The following SYT6 variants were observed in gnomAD, a reference collection of about 807,000 sequenced individuals.
SYT6 encodes the protein synaptotagmin 6, also known as synaptotagmin-6.
In SYT6, 24 loss-of-function variants were observed where a neutral mutation model predicts 38.4. The observed-to-expected ratio is 0.62, with a 90% CI of 0.45 to 0.88. SYT6 has a LOEUF of 0.88. SYT6 is among the 40% of genes least tolerant of loss of function. The pLI, the probability that SYT6 is intolerant of heterozygous loss-of-function variation, is 0.00. For synonymous variants in SYT6, 265 were observed against 241.9 expected, an observed-to-expected ratio of 1.10 and a Z score of -0.89; for missense variants, 611 against 621.0, an observed-to-expected ratio of 0.98 and a Z score of 0.17.
At chr1:114,107,452 C>A (rs962831271) in intron 3 of SYT6, among the ~76,000 whole-genome samples, 2 of 152,182 alleles carry the variant, frequency 1.3e-5, no homozygotes, top group African/African-American at 4.8e-5. Context: ...AAAGGACTGG[C>A]TCAAGATCCC....
intron 3 of SYT6, among the ~76,000 whole-genome samples, chr1:114,108,920 A>AT (rs1319318376): frequency 6.6e-6 from 1 of 152,216 alleles, no homozygotes; most frequent in East Asian, 1.9e-4. Flanking sequence ...AGCATCCGCT[A>AT]TACTTTCAGG....
chr1:114,116,131 C>T (rs182974333), intron 3 of SYT6, among the ~76,000 whole-genome samples: 1 of 152,342 alleles, frequency 6.6e-6, no homozygotes, highest in East Asian at 1.9e-4. Flanking sequence ...CCCTGCGTTA[C>T]AGACTATGAG....
At chr1:114,102,351 G>T (rs1676022298) in intron 4 of SYT6, among the ~76,000 whole-genome samples, 1 of 152,126 alleles carries the variant, frequency 6.6e-6, no homozygotes, top group South Asian at 2.1e-4. Flanking sequence ...AGCTCTGAGG[G>T]ACTCAGAGCT....
At chr1:114,123,487 C>T (rs1368111717) in intron 3 of SYT6, among the ~76,000 whole-genome samples, 1 of 152,192 alleles carries the variant, frequency 6.6e-6, no homozygotes, top group Non-Finnish European at 1.5e-5. Context: ...GCAGTGACCT[C>T]TTTTATTCAA....
intron 3 of SYT6, 26 bp from the exon 4 acceptor site, chr1:114,103,747 G>A (rs756156079): frequency 3.1e-6 from 5 of 1,608,362 alleles, no homozygotes; most frequent in East Asian, 2.2e-5. Flanking sequence ...CAAGAGGGCA[G>A]ATGAGGGGCT....
Position 114,089,341 on chromosome 1 carries a change from G to A in SYT6, c.*2793C>T, listed in dbSNP as rs925373430. The stretch of plus-strand genomic sequence containing the variant: ...GAATAAAAACTCCAGGCTGTGACAC[G>A]GGTGGGAAGACACAAACGAGTAATT... On this transcript the variant is annotated 3_prime_UTR_variant, in exon 8 of 8. Transcript: ENST00000610222. 2.0e-5 allele frequency: 3 copies of A among 152,728 alleles called. No homozygotes were observed. Among genetic ancestry groups the A allele is most frequent in the Non-Finnish European group, 2.9e-5 (2 of 68,036 alleles). The allele number at this position is 152,728 out of a possible 1,614,324, so 9.5% of individuals were successfully genotyped here.
chr1:114,126,046 G>A (rs1557753120), intron 3 of SYT6, among the ~76,000 whole-genome samples: 1 of 152,124 alleles, frequency 6.6e-6, no homozygotes, highest in Non-Finnish European at 1.5e-5. Context: ...CAGGGGCCTG[G>A]GAAGGAAAGA....
chr1:114,103,809 G>A lies in SYT6; in HGVS notation c.1072-88C>T, dbSNP rs942134498. On this transcript the variant is annotated intron_variant, in intron 3 of 7. Coordinates refer to ENST00000610222, the MANE Select transcript of SYT6 (RefSeq NM_001253772.2). The stretch of plus-strand genomic sequence containing the variant: ...GCAGTATCTGCTGGGGCGCTCTGGG[G>A]TCAGGAGGAGGCTCTTGGAGACACT... 67 of 1,503,200 alleles carry A rather than the reference G, an allele frequency of 4.5e-5. No individual in the cohort carries two copies. The African/African-American group carries it at 9.1e-4, about 20-fold the overall frequency. 93.1% of individuals were successfully genotyped at this position (1,503,200 alleles called of 1,614,324 possible).
Position 114,137,216 on chromosome 1 carries a change from A to G in SYT6, c.1071+279T>C, listed in dbSNP as rs951620786. Among the ~76,000 whole-genome samples, 4 of 152,352 alleles carry G rather than the reference A, an allele frequency of 2.6e-5. No homozygotes were observed. In the East Asian group the frequency reaches 5.8e-4, roughly 22 times the overall value. ...CTATGCCAAGTTTCTAATGCACATC[A>G]GTACTCTCAGTAGAAAGAACCACCC... is the stretch of plus-strand genomic sequence containing the variant. On this transcript the variant is annotated intron_variant, in intron 3 of 7. Transcript: ENST00000610222.
chr1:114,153,575 T>C (rs1679556283), intron 1 of SYT6, 35 bp downstream of exon 1: 5 of 580,738 alleles, frequency 8.6e-6, no homozygotes, highest in Non-Finnish European at 1.5e-5. Flanking sequence ...AGGACGGATA[T>C]CCAGGAAGGG....
At chr1:114,150,147 A>G (rs1679370812) in intron 1 of SYT6, among the ~76,000 whole-genome samples, 1 of 152,108 alleles carries the variant, frequency 6.6e-6, no homozygotes, top group Non-Finnish European at 1.5e-5. Flanking sequence ...CACATGTTAT[A>G]CCCCTAACTC....
At chr1:114,143,903 T>C (rs528855105) in intron 1 of SYT6, among the ~76,000 whole-genome samples, 191 of 152,124 alleles carry the variant, frequency 1.3e-3, no homozygotes, top group African/African-American at 4.4e-3. Flanking sequence ...GAGAAATTAT[T>C]AAGCAGACCT....
intron 4 of SYT6, 62 bp from the exon 5 acceptor site, chr1:114,099,327 A>C: frequency 6.6e-7 from 1 of 1,517,180 alleles, no homozygotes; most frequent in Non-Finnish European, 8.9e-7. Context: ...TGCAAACATC[A>C]TTTGCAGCAA....
intron 6 of SYT6, among the ~76,000 whole-genome samples, chr1:114,097,357 G>C (rs974900252): frequency 1.3e-5 from 2 of 152,230 alleles, no homozygotes; most frequent in Non-Finnish European, 2.9e-5. Flanking sequence ...TCTGACAGGG[G>C]TAGAATGTCT....
Position 114,139,906 on chromosome 1 carries a change from G to A in SYT6, c.221C>T (p.Ala74Val). 3.9e-6 allele frequency: 6 copies of A among 1,530,072 alleles called. No homozygotes were observed. Among genetic ancestry groups the A allele is most frequent in the Non-Finnish European group, 5.3e-6 (6 of 1,142,040 alleles). 94.8% of individuals were successfully genotyped at this position (1,530,072 alleles called of 1,614,324 possible). Residue 74 changes from alanine to valine, a missense_variant, in exon 2 of 8, where the codon GCA (alanine) becomes GTA (valine). Transcript: ENST00000610222. The stretch of plus-strand genomic sequence containing the variant: ...CTTCCAAAAGAGAAAGAGAAAAACT[G>A]CCACCAGGGCCACGCCACACACAAT... ...VVIVCGVALV[A>V]VFLFLFWKLC...
chr1:114,103,657 G>T lies in SYT6; in HGVS notation c.1136C>A (p.Thr379Asn). ...GTTCCGACACTTAATCACTGTGAGG[G>T]TGAGCCTGCCTGCAGTGGGCAGGTA... ...LCYLPTAGRLTLTVIKCRNLK... is the reference protein window; with the variant it reads ...LCYLPTAGRLNLTVIKCRNLK... The change falls in exon 4 of 8, where the codon ACC becomes AAC. Residue 379 changes from threonine to asparagine, a missense_variant. Coordinates refer to ENST00000610222, the MANE Select transcript of SYT6 (RefSeq NM_001253772.2). The T allele has an allele frequency of 1.2e-6, 2 of 1,614,174 alleles. No individual in the cohort carries two copies. Among genetic ancestry groups the T allele is most frequent in the Non-Finnish European group, 1.7e-6 (2 of 1,180,030 alleles).
At chr1:114,126,087 A>C (rs1349048284) in intron 3 of SYT6, among the ~76,000 whole-genome samples, 1 of 148,954 alleles carries the variant, frequency 6.7e-6, no homozygotes, top group East Asian at 1.9e-4. Context: ...TTTCCTATAA[A>C]AACCCAGAGA....
intron 6 of SYT6, among the ~76,000 whole-genome samples, chr1:114,096,002 CTT>C (rs10593717): frequency 0.06 from 9,168 of 152,168 alleles, 443 homozygotes; most frequent in African/African-American, 0.12. Flanking sequence ...CCAGAGGCCT[CTT>C]AGCTCTCATT....
intron 3 of SYT6, among the ~76,000 whole-genome samples, 157 bp from the exon 4 acceptor site, chr1:114,103,878 G>A (rs1275190496): frequency 6.6e-6 from 1 of 152,244 alleles, no homozygotes; most frequent in Non-Finnish European, 1.5e-5. Context: ...CATGCTGCAA[G>A]TAACAGGGTA....
Sources: allele counts gnomAD v4.1 joint callset (sites outside exome capture counted in the v4.1 genomes callset), GRCh38; gene constraint gnomAD v4.1.1; transcripts MANE v1.5; gene names NCBI Gene and HGNC (gene_info 2026-07-23, HGNC 2026-07-21).